PKD2: variants seen among roughly 807,000 people sequenced by gnomAD.
PKD2 encodes polycystin-2.
Under a neutral mutation model 105.9 loss-of-function variants are expected in PKD2, and 48 were observed. The observed-to-expected ratio is 0.45, with a 90% CI of 0.36 to 0.58. PKD2 has a LOEUF of 0.58. Among genes scored for constraint, PKD2 ranks in the 20% least tolerant of loss-of-function variants. The probability of loss-of-function intolerance (pLI) is 0.00; values close to 1 mark genes in which losing one functional copy is unlikely to be tolerated. For missense variants in PKD2, 1,078 were observed against 1,255.3 expected (o/e 0.86, Z 2.13); for synonymous variants, 464 against 481.1 (o/e 0.96, Z 0.46).
In PKD2 at chr4:88,014,985, T is replaced by G. The variant is rs182752954; in HGVS notation, c.596-4473T>G. 4.9e-4 allele frequency among the ~76,000 whole-genome samples: 75 copies of G among 152,328 alleles called. 1 individual carries two copies. The highest frequency in any genetic ancestry group is 1.6e-3 in the African/African-American group (68 of 41,564). ...GTAAGCTTTCTCAGCTCCCAAGTGG[T>G]TAAGCCCTCAGTTTAATGTCATTTG... On this transcript the variant is annotated intron_variant, in intron 1 of 14. Coordinates refer to ENST00000237596, the MANE Select transcript of PKD2 (RefSeq NM_000297.4).
At chr4:88,068,807 T>G (rs1720891442) in intron 13 of PKD2, among the ~76,000 whole-genome samples, 1 of 152,218 alleles carries the variant, frequency 6.6e-6, no homozygotes. Context: ...ATCTTAGATG[T>G]GCCTAGATGT....
At position 88,068,020 on chromosome 4, in the gene PKD2, G is replaced by A; in HGVS notation, c.2481G>A (p.Arg827=). Residue 827 remains arginine, a synonymous_variant, in exon 13 of 15, where the codon AGG becomes AGA. Transcript: ENST00000237596. ...DEDSGHSSRR[R]GSISSGVSYE... is the part of the protein sequence containing the mutation. Reference sequence around the variant, plus strand: ...ATAGCGGACATAGCTCCAGAAGGAGGGGAAGCATTTCTAGTGGCGTTTCTT... The same window carrying A: ...ATAGCGGACATAGCTCCAGAAGGAGAGGAAGCATTTCTAGTGGCGTTTCTT... The A allele has an allele frequency of 6.2e-7, 1 of 1,614,110 alleles. No homozygotes were observed. Among genetic ancestry groups the A allele is most frequent in the Non-Finnish European group, 8.5e-7 (1 of 1,179,974 alleles).
chr4:88,032,696 C>T (rs1727206073), intron 2 of PKD2, among the ~76,000 whole-genome samples: 1 of 152,182 alleles, frequency 6.6e-6, no homozygotes, highest in Non-Finnish European at 1.5e-5. Context: ...GTGAATGCTA[C>T]CTTCCAAGTG....
chr4:88,051,438 G>T (rs1039077912), intron 6 of PKD2, among the ~76,000 whole-genome samples: 2 of 152,112 alleles, frequency 1.3e-5, no homozygotes, highest in African/African-American at 2.4e-5. Flanking sequence ...GATTTATGCA[G>T]TTTACTTCTG....
At chr4:88,058,270 G>C (rs1320478518) in intron 9 of PKD2, among the ~76,000 whole-genome samples, 167 bp downstream of exon 9, 3 of 152,228 alleles carry the variant, frequency 2.0e-5, no homozygotes, top group South Asian at 4.1e-4. Flanking sequence ...TCACAGTTTT[G>C]AGACTCATAT....
chr4:88,019,082 A>G (rs1293078484), intron 1 of PKD2, among the ~76,000 whole-genome samples: 5 of 152,254 alleles, frequency 3.3e-5, no homozygotes, highest in African/African-American at 1.2e-4. Flanking sequence ...ACAAGGTTGT[A>G]TCCACCTCAA....
At chr4:88,050,197 A>G (rs1177773383) in intron 6 of PKD2, among the ~76,000 whole-genome samples, 7 of 151,950 alleles carry the variant, frequency 4.6e-5, no homozygotes, top group Admixed American at 4.6e-4. Flanking sequence ...GATGGTCTCG[A>G]TCTCCTGACC....
intron 9 of PKD2, among the ~76,000 whole-genome samples, chr4:88,060,740 A>G (rs912632627): frequency 5.9e-5 from 9 of 152,284 alleles, no homozygotes; most frequent in African/African-American, 2.2e-4. Context: ...AATGCAAACC[A>G]TTACTACTGT....
chr4:88,009,364 A>T (rs992751439), intron 1 of PKD2, among the ~76,000 whole-genome samples: 1 of 152,244 alleles, frequency 6.6e-6, no homozygotes, highest in Non-Finnish European at 1.5e-5. Context: ...CACAAAAACA[A>T]TCCAGGTGTT....
chr4:88,056,262 G>A lies in PKD2; in HGVS notation c.1893G>A (p.Glu631=), dbSNP rs140182728. The A allele has an allele frequency of 2.5e-6, 4 of 1,601,046 alleles. No individual in the cohort carries two copies. Among genetic ancestry groups the A allele is most frequent in the Non-Finnish European group, 3.4e-6 (4 of 1,169,038 alleles). Reference sequence around the variant, plus strand: ...TCGATGACTTCAGTACTTTCCAAGAGTGTATGTAAGTATATATGAAATTAA... The same window carrying A: ...TCGATGACTTCAGTACTTTCCAAGAATGTATGTAAGTATATATGAAATTAA... ...TQVDDFSTFQ[E]CIFTQFRIIL... Residue 631 remains glutamate (E), a synonymous_variant, in exon 8 of 15, where the codon GAG becomes GAA. Coordinates refer to ENST00000237596, the MANE Select transcript of PKD2 (RefSeq NM_000297.4).
chr4:88,063,963 T>C (rs149075230), intron 10 of PKD2, among the ~76,000 whole-genome samples: 99 of 152,260 alleles, frequency 6.5e-4, no homozygotes, highest in Non-Finnish European at 1.3e-3. Context: ...GAGACAAGCC[T>C]GATCAACATG....
At chr4:88,043,628 T>C (rs1217156653) in intron 5 of PKD2, among the ~76,000 whole-genome samples, 171 bp downstream of exon 5, 3 of 152,098 alleles carry the variant, frequency 2.0e-5, no homozygotes, top group Admixed American at 6.6e-5. Context: ...ATAAAGGATA[T>C]TTGAGGAAGG....
At chr4:88,047,225 T>C (rs1042217049) in intron 6 of PKD2, among the ~76,000 whole-genome samples, 4 of 152,016 alleles carry the variant, frequency 2.6e-5, no homozygotes, top group Admixed American at 6.6e-5. Context: ...TAAAAATCAA[T>C]TTATATTTTC....
rs750077647 is a variant in PKD2 at position 88,008,021 on chromosome 4, CGAGGAG to C, written c.302_307del (p.Glu101_Glu102del). 1.8e-5 allele frequency: 27 copies of C among 1,516,060 alleles called. No homozygotes were observed. The highest frequency in any genetic ancestry group is 7.6e-5 in the East Asian group (3 of 39,566). 93.9% of individuals were successfully genotyped at this position (1,516,060 alleles called of 1,614,324 possible). A position where few individuals can be genotyped will look rare whatever the true frequency, so the allele number is the denominator to read the frequency against. ...GCCGCGATAACCCCGGCTTCGAGGC[CGAGGAG>C]GAGGAGGAGGAGGTGGAAGGGGAAG... On this transcript the variant is annotated inframe_deletion, in exon 1 of 15. Transcript: ENST00000237596.
rs769963846 is a variant in PKD2 at position 88,056,150 on chromosome 4, C to T, written c.1781C>T (p.Ala594Val). The T allele has an allele frequency of 1.3e-5, 21 of 1,612,896 alleles. No individual in the cohort carries two copies. The highest frequency in any genetic ancestry group is 1.8e-5 in the Non-Finnish European group (21 of 1,179,034). The change falls in exon 8 of 15, where the codon GCC becomes GTC. Residue 594 changes from alanine to valine, a missense_variant. Physicochemically the swap from Ala to Val is moderately conservative, Grantham distance 64. Transcript: ENST00000237596. ...SQLSTTMSRC[A>V]KDLFGFAIMF... Reference sequence around the variant, plus strand: ...CTCTCGACAACCATGTCTCGATGTGCCAAAGACCTGTTTGGCTTTGCTATT... The same window carrying T: ...CTCTCGACAACCATGTCTCGATGTGTCAAAGACCTGTTTGGCTTTGCTATT...
At chr4:88,057,514 C>T (rs1720403621) in intron 8 of PKD2, among the ~76,000 whole-genome samples, 1 of 150,360 alleles carries the variant, frequency 6.7e-6, no homozygotes, top group African/African-American at 2.5e-5. Context: ...CAGCTCACTG[C>T]AACCTCTGCC....
chr4:88,022,832 CA>C (rs2110092197), intron 2 of PKD2, among the ~76,000 whole-genome samples: 1 of 152,270 alleles, frequency 6.6e-6, no homozygotes, highest in African/African-American at 2.4e-5. Flanking sequence ...CCTGTAATCT[CA>C]GCACTTTGTC....
intron 13 of PKD2, among the ~76,000 whole-genome samples, chr4:88,071,078 T>G (rs1011363808): frequency 6.6e-6 from 1 of 151,448 alleles, no homozygotes; most frequent in African/African-American, 2.4e-5. Context: ...TTTTAAGAGA[T>G]AGGGTCTCTC....
At chr4:88,067,499 T>C (rs1720839916) in intron 12 of PKD2, among the ~76,000 whole-genome samples, 1 of 152,152 alleles carries the variant, frequency 6.6e-6, no homozygotes, top group Non-Finnish European at 1.5e-5. Flanking sequence ...GCCTGGCTAA[T>C]TTTTTAAAAA....
Sources: allele counts gnomAD v4.1 joint callset (sites outside exome capture counted in the v4.1 genomes callset), GRCh38; gene constraint gnomAD v4.1.1; transcripts MANE v1.5; gene names NCBI Gene and HGNC (gene_info 2026-07-23, HGNC 2026-07-21).